Variants in USP12 observed in about 807,000 individuals in gnomAD.
The protein encoded by USP12 is ubiquitin carboxyl-terminal hydrolase 12.
Under a neutral mutation model 45.5 loss-of-function variants are expected in USP12, and 19 were observed. That is an observed-to-expected ratio of 0.42 (90% CI 0.29 to 0.61). USP12 has a LOEUF of 0.61. Among genes scored for constraint, USP12 ranks in the 20% least tolerant of loss-of-function variants. The pLI is 0.22. For synonymous variants in USP12, 149 were observed against 148.8 expected (o/e 1.00, Z -0.01); for missense variants, 242 against 447.7 (o/e 0.54, Z 4.15).
chr13:27,139,291 G>A (rs915029977), intron 1 of USP12, among the ~76,000 whole-genome samples: 2 of 152,080 alleles, frequency 1.3e-5, no homozygotes, highest in Non-Finnish European at 2.9e-5. Context: ...TACAGCTTAC[G>A]CTACATACTA....
At position 27,129,186 on chromosome 13, in the gene USP12, G is replaced by A. The variant is rs1046854346; in HGVS notation, c.49-12590C>T. On this transcript the variant is annotated intron_variant, in intron 1 of 8. Transcript: ENST00000282344. This position sits in a 1 kb window ranked among gnomAD's most constrained non-coding sequence, Gnocchi z 4.0. ...AAGAAAGTGACCTGTAGCTCTTTCC[G>A]TGTCACTGAGACAACAGGAATATTA... Among the ~76,000 whole-genome samples, 5 of 151,996 alleles carry A rather than the reference G, an allele frequency of 3.3e-5. No individual in the cohort carries two copies. Among genetic ancestry groups the A allele is most frequent in the Admixed American group, 6.6e-5 (1 of 15,252 alleles).
At chr13:27,144,155 C>T (rs1877197979) in intron 1 of USP12, among the ~76,000 whole-genome samples, 1 of 151,892 alleles carries the variant, frequency 6.6e-6, no homozygotes, top group African/African-American at 2.4e-5. Context: ...GCCGAGACTG[C>T]ACCACTGCAC....
chr13:27,124,958 T>C (rs944241868), intron 1 of USP12, among the ~76,000 whole-genome samples: 3 of 152,182 alleles, frequency 2.0e-5, no homozygotes, highest in Admixed American at 6.5e-5. Context: ...TAGTAGGCCT[T>C]GGGTTATGTG....
chr13:27,069,113 T>C lies in USP12; in HGVS notation c.*170A>G, dbSNP rs1873121689. 9.4e-6 allele frequency: 6 copies of C among 638,776 alleles called. No homozygotes were observed. Among genetic ancestry groups the C allele is most frequent in the Non-Finnish European group, 1.1e-5 (4 of 361,088 alleles). The allele number at this position is 638,776 out of a possible 1,614,324, so 39.6% of individuals were successfully genotyped here. The stretch of plus-strand genomic sequence containing the variant: ...ACCTGAGCAAATAAATCAACTACCA[T>C]GATCGGAAGGGCTTGTCAATCCATC... On this transcript the variant is annotated 3_prime_UTR_variant, in exon 9 of 9. Coordinates refer to ENST00000282344, the MANE Select transcript of USP12 (RefSeq NM_182488.4).
intron 1 of USP12, among the ~76,000 whole-genome samples, chr13:27,132,251 A>G (rs1400635975): frequency 6.6e-6 from 1 of 152,218 alleles, no homozygotes; most frequent in Admixed American, 6.5e-5. Flanking sequence ...AACTAGAAAG[A>G]GTAGATACTT....
At chr13:27,148,676 TTA>T (rs59164229) in intron 1 of USP12, among the ~76,000 whole-genome samples, 35 of 139,442 alleles carry the variant, frequency 2.5e-4, no homozygotes, top group African/African-American at 6.9e-4. Flanking sequence ...AAAAAAAAAA[TTA>T]TATATATATA....
intron 3 of USP12, among the ~76,000 whole-genome samples, chr13:27,102,011 T>TAATG (rs57318848): frequency 0.071 from 10,743 of 151,574 alleles, 604 homozygotes; most frequent in African/African-American, 0.15. Context: ...TCCCATTTTT[T>TAATG]AATGAATGAA....
intron 1 of USP12, among the ~76,000 whole-genome samples, chr13:27,125,064 G>A (rs976980803): frequency 7.2e-5 from 11 of 152,132 alleles, no homozygotes; most frequent in Non-Finnish European, 7.3e-5. Flanking sequence ...TGAGTGGTGA[G>A]GTCTTTGCAG....
At chr13:27,133,582 T>A (rs1244508769) in intron 1 of USP12, among the ~76,000 whole-genome samples, 1 of 142,582 alleles carries the variant, frequency 7.0e-6, no homozygotes, top group East Asian at 2.1e-4. Context: ...TGAGCCAATA[T>A]CGCGCCACTG....
At chr13:27,070,592 T>C (rs2137750103) in intron 8 of USP12, among the ~76,000 whole-genome samples, 1 of 151,998 alleles carries the variant, frequency 6.6e-6, no homozygotes, top group African/African-American at 2.4e-5. Context: ...TCACTCTTAT[T>C]GCCCAGGCTG....
At chr13:27,170,732 CACAG>C (rs1343699766) in intron 1 of USP12, among the ~76,000 whole-genome samples, 1 of 152,208 alleles carries the variant, frequency 6.6e-6, no homozygotes, top group African/African-American at 2.4e-5. Context: ...GCGGTCCCCG[CACAG>C]ACAGACCTAG....
intron 3 of USP12, among the ~76,000 whole-genome samples, chr13:27,097,815 CT>C (rs1874662960): frequency 6.6e-6 from 1 of 152,114 alleles, no homozygotes; most frequent in South Asian, 2.1e-4. Flanking sequence ...GTTGAATATC[CT>C]TTATCTAAAA....
chr13:27,151,850 A>G (rs1293288790), intron 1 of USP12, among the ~76,000 whole-genome samples: 3 of 152,226 alleles, frequency 2.0e-5, no homozygotes, highest in Admixed American at 6.5e-5. Flanking sequence ...ATGCGAATAG[A>G]TATTTTTCCA....
At chr13:27,090,937 A>C (rs569863339) in intron 4 of USP12, among the ~76,000 whole-genome samples, 36 of 152,360 alleles carry the variant, frequency 2.4e-4, no homozygotes, top group African/African-American at 8.2e-4. Flanking sequence ...AAATATACGT[A>C]AACCAAGGTA....
At chr13:27,162,335 A>G (rs1430593150) in intron 1 of USP12, among the ~76,000 whole-genome samples, 1 of 152,214 alleles carries the variant, frequency 6.6e-6, no homozygotes, top group African/African-American at 2.4e-5. Flanking sequence ...AAATTCCCCA[A>G]TCTCTTGTTT....
intron 6 of USP12, among the ~76,000 whole-genome samples, chr13:27,084,169 T>TACATACACAC (rs1295472031): frequency 4.2e-4 from 60 of 142,510 alleles, no homozygotes; most frequent in Middle Eastern, 3.6e-3. Context: ...CATGTTTGCA[T>TACATACACAC]ACACACACAC....
chr13:27,069,574 AC>A (rs1873144581), intron 8 of USP12, among the ~76,000 whole-genome samples, 190 bp from the exon 9 acceptor site: 1 of 152,168 alleles, frequency 6.6e-6, no homozygotes, highest in African/African-American at 2.4e-5. Context: ...ACATACAACT[AC>A]CCTTTGATCC....
chr13:27,115,774 C>G (rs1875703066), intron 2 of USP12, among the ~76,000 whole-genome samples: 1 of 152,140 alleles, frequency 6.6e-6, no homozygotes, highest in African/African-American at 2.4e-5. Context: ...TTTTATATCT[C>G]TAGCACTGGT....
At chr13:27,088,232 C>G (rs1593177590) in intron 6 of USP12, among the ~76,000 whole-genome samples, 2 of 151,994 alleles carry the variant, frequency 1.3e-5, no homozygotes, top group Admixed American at 1.3e-4. Context: ...CATCCCAACA[C>G]AGTGAAACCC....
Sources: gnomAD v4.1 joint callset for allele counts (sites outside exome capture counted in the v4.1 genomes callset) on GRCh38, gnomAD v4.1.1 for gene constraint, Gnocchi (gnomAD v3.1) non-coding constraint, MANE v1.5 for transcripts, NCBI Gene and HGNC (gene_info 2026-07-23, HGNC 2026-07-21) for gene names.